FBXW7: variants seen among roughly 807,000 people sequenced by gnomAD.
FBXW7 encodes the protein F-box/WD repeat-containing protein 7.
FBXW7 carries 11 observed loss-of-function variants against 86.3 expected under a neutral mutation model. That is an observed-to-expected ratio of 0.13 (90% CI 0.08 to 0.21). The LOEUF is 0.21. Ranked by LOEUF, FBXW7 falls within the 10% of genes least tolerant of loss-of-function variation. The probability of loss-of-function intolerance (pLI) is 1.00; values close to 1 mark genes in which losing one functional copy is unlikely to be tolerated. For missense variants in FBXW7, 488 were observed against 847.4 expected, an observed-to-expected ratio of 0.58 and a Z score of 5.27; for synonymous variants, 313 against 297.9, an observed-to-expected ratio of 1.05 and a Z score of -0.52.
intron 4 of FBXW7, among the ~76,000 whole-genome samples, chr4:152,361,822 C>A (rs965513993): frequency 2.0e-5 from 3 of 151,650 alleles, no homozygotes; most frequent in African/African-American, 7.3e-5. Context: ...AAAAATTAGC[C>A]GGGTATGGTG....
chr4:152,395,336 G>T (rs773284722), intron 4 of FBXW7, among the ~76,000 whole-genome samples: 4 of 151,982 alleles, frequency 2.6e-5, no homozygotes, highest in Non-Finnish European at 4.4e-5. Context: ...AGACACTTAA[G>T]AGTGGACAAC....
At chr4:152,444,203 T>G (rs1006222386) in intron 2 of FBXW7, among the ~76,000 whole-genome samples, 1 of 152,210 alleles carries the variant, frequency 6.6e-6, no homozygotes, top group Non-Finnish European at 1.5e-5. Context: ...TGTACATATA[T>G]GTATGACCAT....
intron 6 of FBXW7, among the ~76,000 whole-genome samples, chr4:152,342,913 C>A (rs896557710): frequency 6.6e-6 from 1 of 152,166 alleles, no homozygotes; most frequent in Non-Finnish European, 1.5e-5. Context: ...GTCTTTCACA[C>A]AAAACAAGGT....
chr4:152,434,381 A>T (rs1740190243), intron 2 of FBXW7, among the ~76,000 whole-genome samples: 3 of 152,214 alleles, frequency 2.0e-5, no homozygotes, highest in Admixed American at 2.0e-4. Flanking sequence ...TTTCTTCATG[A>T]AATTGGAAAG....
At chr4:152,436,388 G>A (rs72955059) in intron 2 of FBXW7, among the ~76,000 whole-genome samples, 397 of 152,314 alleles carry the variant, frequency 2.6e-3, no homozygotes, top group African/African-American at 9.1e-3. Context: ...AGAAAAGCTG[G>A]AAGCTAGCAG....
chr4:152,402,001 T>C (rs1281923011), intron 4 of FBXW7, among the ~76,000 whole-genome samples: 1 of 152,136 alleles, frequency 6.6e-6, no homozygotes, highest in Admixed American at 6.5e-5. Flanking sequence ...AAAAGATACA[T>C]ATGAAATACT....
At chr4:152,466,553 T>C (rs748439031) in intron 2 of FBXW7, among the ~76,000 whole-genome samples, 4 of 143,518 alleles carry the variant, frequency 2.8e-5, no homozygotes, top group Non-Finnish European at 4.6e-5. Flanking sequence ...AGACTCCATT[T>C]CAAAAAAAAA....
At chr4:152,508,636 C>T (rs1481475005) in intron 2 of FBXW7, among the ~76,000 whole-genome samples, 2 of 144,744 alleles carry the variant, frequency 1.4e-5, no homozygotes, top group Non-Finnish European at 1.5e-5. Flanking sequence ...CTTGCAGTGA[C>T]TCATGATCGT....
chr4:152,346,787 C>T (rs1731306168), intron 6 of FBXW7, 143 bp downstream of exon 6: 2 of 1,139,408 alleles, frequency 1.8e-6, no homozygotes, highest in South Asian at 3.4e-5. Flanking sequence ...TTGTGTCTGG[C>T]TTCTTTCACT....
At position 152,371,536 on chromosome 4, in the gene FBXW7, C is replaced by A. The variant is rs968460368; in HGVS notation, c.502-21412G>T. ...AATAAGGCCACTAACTTAATTCTAT[C>A]AAATCAGGTAAATTGTATGTACATG... On this transcript the variant is annotated intron_variant, in intron 4 of 13. Coordinates refer to ENST00000281708, the MANE Select transcript of FBXW7 (RefSeq NM_001349798.2). 5.6e-4 allele frequency among the ~76,000 whole-genome samples: 85 copies of A among 151,952 alleles called. 5 individuals are homozygous for A. The highest frequency in any genetic ancestry group is 1.5e-5 in the Non-Finnish European group (1 of 67,900).
intron 2 of FBXW7, among the ~76,000 whole-genome samples, chr4:152,424,019 T>C (rs1476188297): frequency 6.6e-6 from 1 of 152,150 alleles, no homozygotes; most frequent in Non-Finnish European, 1.5e-5. Flanking sequence ...GCAGAATTCC[T>C]TGGGAGATGC....
At chr4:152,433,651 T>C (rs747101984) in intron 2 of FBXW7, among the ~76,000 whole-genome samples, 14 of 152,192 alleles carry the variant, frequency 9.2e-5, no homozygotes, top group African/African-American at 1.4e-4. Context: ...GAAGTCATGG[T>C]GACTGTTGCG....
intron 4 of FBXW7, among the ~76,000 whole-genome samples, chr4:152,368,883 AGGG>A (rs1250809450): frequency 1.3e-5 from 2 of 152,088 alleles, no homozygotes; most frequent in Non-Finnish European, 2.9e-5. Context: ...TTCTTCATGT[AGGG>A]AGACATAATG....
chr4:152,526,018 C>T (rs1266406126), intron 2 of FBXW7, among the ~76,000 whole-genome samples: 1 of 152,132 alleles, frequency 6.6e-6, no homozygotes, highest in Non-Finnish European at 1.5e-5. Flanking sequence ...GAGATGGTAT[C>T]TCATTGTGGT....
At chr4:152,411,950 T>G in intron 3 of FBXW7, 78 bp from the exon 4 acceptor site, 2 of 1,285,218 alleles carry the variant, frequency 1.6e-6, no homozygotes, top group Non-Finnish European at 2.0e-6. Flanking sequence ...ATGTCTACTT[T>G]CTAAATATCA....
chr4:152,367,913 TAA>T (rs773914239), intron 4 of FBXW7, among the ~76,000 whole-genome samples: 203 of 152,078 alleles, frequency 1.3e-3, no homozygotes, highest in Middle Eastern at 0.01. Context: ...AAAAACATAC[TAA>T]TATAAAGAAG....
intron 2 of FBXW7, among the ~76,000 whole-genome samples, chr4:152,478,146 T>C (rs1744586966): frequency 6.6e-6 from 1 of 152,120 alleles, no homozygotes; most frequent in Non-Finnish European, 1.5e-5. Context: ...ACATTCAGAA[T>C]GTTGTACAAT....
At chr4:152,352,612 T>G (rs750356034) in intron 4 of FBXW7, 10 of 1,613,848 alleles carry the variant, frequency 6.2e-6, no homozygotes, top group Middle Eastern at 1.6e-4. Flanking sequence ...TGTCACAGAT[T>G]CTAATGTGGA....
At chr4:152,506,833 G>C (rs1341982978) in intron 2 of FBXW7, among the ~76,000 whole-genome samples, 2 of 152,220 alleles carry the variant, frequency 1.3e-5, no homozygotes, top group Non-Finnish European at 2.9e-5. Flanking sequence ...ATGTGAGGCT[G>C]ATACTATACT....
Sources: allele counts gnomAD v4.1 joint callset (sites outside exome capture counted in the v4.1 genomes callset), GRCh38; gene constraint gnomAD v4.1.1; transcripts MANE v1.5; gene names NCBI Gene and HGNC (gene_info 2026-07-23, HGNC 2026-07-21).